GHITM: variants seen among roughly 807,000 people sequenced by gnomAD.
GHITM encodes the protein growth hormone inducible transmembrane protein, also known as growth hormone-inducible transmembrane protein.
A neutral mutation model predicts 38.7 loss-of-function variants in GHITM; 24 were observed. The ratio of observed to expected loss-of-function variants is 0.62; its 90% CI spans 0.45 to 0.87. The LOEUF is 0.87. GHITM is among the 40% of genes least tolerant of loss of function. The pLI is 0.00. For missense variants in GHITM, 420 were observed against 429.8 expected (o/e 0.98, Z 0.20); for synonymous variants, 154 against 147.8 (o/e 1.04, Z -0.30).
In GHITM at chr10:84,152,281, T is replaced by A; in HGVS notation, c.971T>A (p.Met324Lys). 1 of 1,590,930 alleles carries A rather than the reference T, an allele frequency of 6.3e-7. No homozygotes were observed. ...DPINSMLSIY[M>K]DTLNIFMRVA... is the part of the protein sequence containing the mutation. ...TTTTCTAGGATGCTGAGTATCTACA[T>A]GGATACATTAAATATATTTATGCGA... Residue 324 changes from methionine to lysine, a missense_variant, in exon 9 of 9, where the codon ATG (methionine) becomes AAG (lysine). Coordinates refer to ENST00000372134, the MANE Select transcript of GHITM (RefSeq NM_014394.3).
intron 3 of GHITM, among the ~76,000 whole-genome samples, chr10:84,143,367 C>T (rs2132736033): frequency 6.6e-6 from 1 of 152,138 alleles, no homozygotes; most frequent in South Asian, 2.1e-4. Context: ...CTGATTTGAC[C>T]CTAGAGACCA....
intron 5 of GHITM, among the ~76,000 whole-genome samples, chr10:84,146,211 C>T (rs923439779): frequency 2.0e-5 from 3 of 152,050 alleles, no homozygotes; most frequent in East Asian, 1.9e-4. Flanking sequence ...GTAAAGAAGA[C>T]GTGGTTAGAA....
chr10:84,145,080 G>A, intron 5 of GHITM, 64 bp downstream of exon 5: 1 of 1,274,486 alleles, frequency 7.8e-7, no homozygotes, highest in South Asian at 1.5e-5. Context: ...AAAATATATT[G>A]GAGGGAAGGG....
rs562328894 is a variant in GHITM at position 84,144,795 on chromosome 10, G to A, written c.342-80G>A. ...TTTAAAGTGTAAAATGATTTATCCC[G>A]AGGTCGCCCAGCTAGTGTGTGACTC... On this transcript the variant is annotated intron_variant, in intron 4 of 8. Coordinates refer to ENST00000372134, the MANE Select transcript of GHITM (RefSeq NM_014394.3). 140 of 802,970 alleles carry A rather than the reference G, an allele frequency of 1.7e-4. 2 individuals are homozygous for A. The South Asian group carries it at 2.3e-3, about 13-fold the overall frequency. The allele number at this position is 802,970 out of a possible 1,614,324, so 49.7% of individuals were successfully genotyped here. A position where few individuals can be genotyped will look rare whatever the true frequency, so the allele number is the denominator to read the frequency against.
chr10:84,141,840 C>T (rs139885611), intron 2 of GHITM, among the ~76,000 whole-genome samples: 134 of 152,204 alleles, frequency 8.8e-4, no homozygotes, highest in African/African-American at 3.1e-3. Context: ...ACTCTGTCTT[C>T]GCTTACAGCT....
chr10:84,150,951 T>A (rs1841606515), intron 8 of GHITM, 71 bp downstream of exon 8: 2 of 1,140,292 alleles, frequency 1.8e-6, no homozygotes, highest in Non-Finnish European at 2.6e-6. Context: ...TGACCTGTTT[T>A]GGTTTATGGC....
rs757200203 is a variant in GHITM, at chr10:84,152,499, C to G, written c.*151C>G. 3.5e-5 allele frequency: 16 copies of G among 455,288 alleles called. No homozygotes were observed. Among genetic ancestry groups the G allele is most frequent in the Non-Finnish European group, 5.9e-5 (15 of 256,178 alleles). The allele number at this position is 455,288 out of a possible 1,614,324, so 28.2% of individuals were successfully genotyped here. A position where few individuals can be genotyped will look rare whatever the true frequency, so the allele number is the denominator to read the frequency against. Reference sequence around the variant, plus strand: ...TAAATGTTCCGGTAATGTGATGCCTCAGGTCTGCCTTTTTTTCTGGAGAAT... The same window carrying G: ...TAAATGTTCCGGTAATGTGATGCCTGAGGTCTGCCTTTTTTTCTGGAGAAT... On this transcript the variant is annotated 3_prime_UTR_variant, in exon 9 of 9. Coordinates refer to ENST00000372134, the MANE Select transcript of GHITM (RefSeq NM_014394.3).
At chr10:84,142,251 AT>A (rs1353867539) in intron 2 of GHITM, among the ~76,000 whole-genome samples, 1 of 152,210 alleles carries the variant, frequency 6.6e-6, no homozygotes, top group Non-Finnish European at 1.5e-5. Flanking sequence ...TTGAGTCCAT[AT>A]CCCAGATGAC....
intron 2 of GHITM, 52 bp downstream of exon 2, chr10:84,141,681 T>G: frequency 6.3e-7 from 1 of 1,587,160 alleles, no homozygotes; most frequent in Non-Finnish European, 8.6e-7. Flanking sequence ...TTTGTGCCCT[T>G]TCTTTTTGGC....
At position 84,141,446 on chromosome 10, in the gene GHITM, C is replaced by CT. The variant is rs1329564372; in HGVS notation, c.-39-8dup. On this transcript the variant is annotated splice_polypyrimidine_tract_variant and intron_variant, in intron 1 of 8. Transcript: ENST00000372134. Reference sequence around the variant, plus strand: ...CTTATGTTTTTTTGGTTGGTTTTGCCTTTTTTTTAAACTAGCATTTCAGAT... The same window carrying CT: ...CTTATGTTTTTTTGGTTGGTTTTGCCTTTTTTTTTAAACTAGCATTTCAGAT... The CT allele has an allele frequency of 8.8e-5, 139 of 1,574,310 alleles. No homozygotes were observed. The highest frequency in any genetic ancestry group is 4.5e-4 in the South Asian group (40 of 88,956).
chr10:84,148,691 T>C (rs369011375), intron 5 of GHITM, 39 bp from the exon 6 acceptor site: 102 of 1,258,388 alleles, frequency 8.1e-5, no homozygotes, highest in Middle Eastern at 1.9e-4. Flanking sequence ...TTTGTTTTCA[T>C]ATAAAGATCA....
At chr10:84,150,484 C>G (rs1398592733) in intron 7 of GHITM, among the ~76,000 whole-genome samples, 1 of 152,172 alleles carries the variant, frequency 6.6e-6, no homozygotes, top group African/African-American at 2.4e-5. Flanking sequence ...ATGAATATTG[C>G]TCTGATGCAA....
intron 5 of GHITM, among the ~76,000 whole-genome samples, chr10:84,145,267 G>T (rs557590724): frequency 6.6e-6 from 1 of 152,088 alleles, no homozygotes; most frequent in Non-Finnish European, 1.5e-5. Context: ...TTTGAATTAG[G>T]GATCCTGAAC....
intron 5 of GHITM, among the ~76,000 whole-genome samples, chr10:84,146,190 A>C (rs943600101): frequency 1.3e-5 from 2 of 152,188 alleles, no homozygotes; most frequent in African/African-American, 4.8e-5. Context: ...CAAGTGTTTG[A>C]GGTCTGGAGG....
rs756862520 is a variant in GHITM, at chr10:84,144,125, G to C, written c.341+19G>C. 5.7e-5 allele frequency: 85 copies of C among 1,498,884 alleles called. 1 individual carries two copies. The East Asian group carries it at 1.9e-3, about 34-fold the overall frequency. 92.8% of individuals were successfully genotyped at this position (1,498,884 alleles called of 1,614,324 possible). A position where few individuals can be genotyped will look rare whatever the true frequency, so the allele number is the denominator to read the frequency against. ...AGGCTGTGTAAGTAAATTGTTTTAAGTAAACTGTTCCTAAACAACTCCAGC... is the reference window on the plus strand; with the variant it reads ...AGGCTGTGTAAGTAAATTGTTTTAACTAAACTGTTCCTAAACAACTCCAGC... On this transcript the variant is annotated intron_variant, in intron 4 of 8. Coordinates refer to ENST00000372134, the MANE Select transcript of GHITM (RefSeq NM_014394.3).
intron 5 of GHITM, among the ~76,000 whole-genome samples, chr10:84,147,670 C>T (rs1326169274): frequency 6.6e-6 from 1 of 151,882 alleles, no homozygotes; most frequent in Non-Finnish European, 1.5e-5. Flanking sequence ...CATCTGTGGC[C>T]TGATTCCAAG....
At chr10:84,149,023 A>G (rs916458849) in intron 6 of GHITM, among the ~76,000 whole-genome samples, 185 bp downstream of exon 6, 5 of 152,228 alleles carry the variant, frequency 3.3e-5, no homozygotes, top group Non-Finnish European at 5.9e-5. Context: ...TGCTAAGACC[A>G]TGGACATCTT....
rs1409985499 is a variant in GHITM at position 84,152,647 on chromosome 10, C to G, written c.*299C>G. 1 of 255,666 alleles carries G rather than the reference C, an allele frequency of 3.9e-6. No individual in the cohort carries two copies. The highest frequency in any genetic ancestry group is 7.3e-6 in the Non-Finnish European group (1 of 136,426). 15.8% of individuals were successfully genotyped at this position (255,666 alleles called of 1,614,324 possible). A position where few individuals can be genotyped will look rare whatever the true frequency, so the allele number is the denominator to read the frequency against. ...TGTCATGAGAATGTAAGTCTTTTTT[C>G]TACTTTAAAATTTAGTAGGTTCACT... On this transcript the variant is annotated 3_prime_UTR_variant, in exon 9 of 9. Coordinates refer to ENST00000372134, the MANE Select transcript of GHITM (RefSeq NM_014394.3).
At chr10:84,145,448 C>T (rs1841548234) in intron 5 of GHITM, among the ~76,000 whole-genome samples, 2 of 152,106 alleles carry the variant, frequency 1.3e-5, no homozygotes, top group East Asian at 1.9e-4. Context: ...AACATGTATT[C>T]GAATAATACC....
Sources: allele counts gnomAD v4.1 joint callset (sites outside exome capture counted in the v4.1 genomes callset), GRCh38; gene constraint gnomAD v4.1.1; transcripts MANE v1.5; gene names NCBI Gene and HGNC (gene_info 2026-07-23, HGNC 2026-07-21).